The following ARL14EPL variants were observed in gnomAD, a reference collection of about 807,000 sequenced individuals.
ARL14EPL encodes ARL14 effector protein-like.
In ARL14EPL, 17 loss-of-function variants were observed where a neutral mutation model predicts 15.9. The ratio of observed to expected loss-of-function variants is 1.07; its 90% CI spans 0.73 to 1.60. The LOEUF (loss-of-function observed/expected upper bound fraction) is 1.60, where lower values mean the gene tolerates loss of function less well. Among genes scored for constraint, ARL14EPL ranks in the 40% most tolerant of loss-of-function variants. The pLI is 0.00. For missense variants in ARL14EPL, 214 were observed against 185.9 expected (o/e 1.15, Z -0.88); for synonymous variants, 78 against 63.8 (o/e 1.22, Z -1.06).
At chr5:116,037,115 G>A (rs186252606) in intron 1 of ARL14EPL, among the ~76,000 whole-genome samples, 106 of 152,266 alleles carry the variant, frequency 7.0e-4, no homozygotes, top group Non-Finnish European at 6.5e-4. Context: ...GACTATGTCA[G>A]GTACAAGGGG....
At chr5:116,042,457 T>C (rs1250780880) in intron 1 of ARL14EPL, among the ~76,000 whole-genome samples, 1 of 152,218 alleles carries the variant, frequency 6.6e-6, no homozygotes, top group Non-Finnish European at 1.5e-5. Flanking sequence ...CATCCACTTC[T>C]GGACCCCCAT....
intron 2 of ARL14EPL, 143 bp from the exon 3 acceptor site, chr5:116,053,871 A>T: frequency 1.6e-6 from 1 of 613,736 alleles, no homozygotes; most frequent in Non-Finnish European, 2.5e-6. Flanking sequence ...AAACTTAATT[A>T]GATTAAATCG....
At chr5:116,038,600 A>T (rs1749091786) in intron 1 of ARL14EPL, among the ~76,000 whole-genome samples, 2 of 152,054 alleles carry the variant, frequency 1.3e-5, no homozygotes, top group Admixed American at 1.3e-4. Flanking sequence ...CACAATGCAG[A>T]CAAGAATTTT....
chr5:116,051,760 A>G (rs1047722165), intron 2 of ARL14EPL, among the ~76,000 whole-genome samples, 199 bp downstream of exon 2: 1 of 151,740 alleles, frequency 6.6e-6, no homozygotes, highest in Non-Finnish European at 1.5e-5. Context: ...TCTCCTCTCC[A>G]CCTCCTGTGT....
chr5:116,042,425 C>G (rs550321218), intron 1 of ARL14EPL, among the ~76,000 whole-genome samples: 1 of 152,298 alleles, frequency 6.6e-6, no homozygotes, highest in African/African-American at 2.4e-5. Flanking sequence ...TGGCTCAGGT[C>G]TGTAGTATTC....
At position 116,055,156 on chromosome 5, in the gene ARL14EPL, T is replaced by C. The variant is rs186297797; in HGVS notation, c.236+1003T>C. Reference sequence around the variant, plus strand: ...GATCAGCACATACATAGAAGTGCCATACTCCCCAGGGAGTCAGAATTTAGT... The same window carrying C: ...GATCAGCACATACATAGAAGTGCCACACTCCCCAGGGAGTCAGAATTTAGT... On this transcript the variant is annotated intron_variant, in intron 3 of 3. Transcript: ENST00000686077. 3.8e-3 allele frequency among the ~76,000 whole-genome samples: 582 copies of C among 152,314 alleles called. 6 individuals carry two copies. Among genetic ancestry groups the C allele is most frequent in the African/African-American group, 0.013 (551 of 41,570 alleles).
intron 1 of ARL14EPL, among the ~76,000 whole-genome samples, chr5:116,044,465 TTATATA>T (rs35174440): frequency 3.4e-5 from 5 of 148,606 alleles, no homozygotes; most frequent in Admixed American, 1.4e-4. Flanking sequence ...AAGAAAAACA[TTATATA>T]TATATACGTG....
intron 3 of ARL14EPL, among the ~76,000 whole-genome samples, chr5:116,057,048 C>T (rs201920871): frequency 4.6e-5 from 7 of 152,172 alleles, no homozygotes; most frequent in African/African-American, 1.4e-4. Flanking sequence ...CAAACCAAAT[C>T]CAGCAGCATA....
chr5:116,056,306 C>T (rs1024199626), intron 3 of ARL14EPL, among the ~76,000 whole-genome samples: 7 of 152,098 alleles, frequency 4.6e-5, no homozygotes, highest in Admixed American at 4.6e-4. Context: ...CTCTCCAGCA[C>T]CTGTTGTTTC....
intron 1 of ARL14EPL, 102 bp from the exon 2 acceptor site, chr5:116,051,355 A>G: frequency 1.3e-6 from 1 of 750,476 alleles, no homozygotes; most frequent in Non-Finnish European, 2.1e-6. Context: ...TCTGGTTTTG[A>G]ATAAAGTGAG....
chr5:116,038,631 C>A (rs549476946), intron 1 of ARL14EPL, among the ~76,000 whole-genome samples: 1 of 139,432 alleles, frequency 7.2e-6, no homozygotes, highest in African/African-American at 2.7e-5. Flanking sequence ...ACTTCAGTAG[C>A]GAAGTGTGGA....
rs549191866 is a variant in ARL14EPL at position 116,039,155 on chromosome 5, G to A, written c.-10+6650G>A. 3.9e-5 allele frequency among the ~76,000 whole-genome samples: 6 copies of A among 152,190 alleles called. No individual in the cohort carries two copies. The South Asian group carries it at 6.2e-4, about 16-fold the overall frequency. ...CCCCAGGAGGGAGTGTAAGCCTGGG[G>A]CAGAAGGTCAGGTCCCGAACAGGGT... On this transcript the variant is annotated intron_variant, in intron 1 of 3. Transcript: ENST00000686077.
At chr5:116,034,858 T>G (rs1002855027) in intron 1 of ARL14EPL, among the ~76,000 whole-genome samples, 3 of 151,984 alleles carry the variant, frequency 2.0e-5, no homozygotes, top group South Asian at 2.1e-4. Flanking sequence ...ATTAGAGAAG[T>G]GAAAAAACAA....
At position 116,059,001 on chromosome 5, in the gene ARL14EPL, C is replaced by G; in HGVS notation, c.*54C>G. ...CTTCTTCTTACACATTTAAGTTGAC[C>G]TCTTTCTTTTGGGTGAATTTTAGGG... On this transcript the variant is annotated 3_prime_UTR_variant, in exon 4 of 4. Transcript: ENST00000686077. 6.7e-7 allele frequency: 1 copy of G among 1,489,766 alleles called. No homozygotes were observed. The highest frequency in any genetic ancestry group is 9.0e-7 in the Non-Finnish European group (1 of 1,107,234). The allele number at this position is 1,489,766 out of a possible 1,614,324, so 92.3% of individuals were successfully genotyped here.
chr5:116,054,873 TA>T lies in ARL14EPL; in HGVS notation c.236+722del, dbSNP rs201608707. ...ATAAATAAAATAAAAAATAATAAACTAAGAAAACTATAAAGGAAAATGATAA... is the reference window on the plus strand; with the variant it reads ...ATAAATAAAATAAAAAATAATAAACTAGAAAACTATAAAGGAAAATGATAA... On this transcript the variant is annotated intron_variant, in intron 3 of 3. Transcript: ENST00000686077. Among the ~76,000 whole-genome samples, 1,069 of 151,060 alleles carry T rather than the reference TA, an allele frequency of 7.1e-3. 43 individuals carry two copies. The highest frequency in any genetic ancestry group is 0.064 in the Admixed American group (971 of 15,182).
intron 1 of ARL14EPL, among the ~76,000 whole-genome samples, chr5:116,044,469 A>C (rs1223515840): frequency 1.4e-5 from 2 of 147,230 alleles, no homozygotes; most frequent in African/African-American, 5.0e-5. Context: ...AAAACATTAT[A>C]TATATATACG....
intron 1 of ARL14EPL, among the ~76,000 whole-genome samples, chr5:116,050,005 G>C (rs1051807887): frequency 2.0e-5 from 3 of 152,126 alleles, no homozygotes; most frequent in Admixed American, 6.6e-5. Flanking sequence ...TGTTTATTTT[G>C]TATACATATG....
chr5:116,057,246 T>C (rs1749539765), intron 3 of ARL14EPL, among the ~76,000 whole-genome samples: 1 of 152,030 alleles, frequency 6.6e-6, no homozygotes, highest in Non-Finnish European at 1.5e-5. Flanking sequence ...TACAGTTCCT[T>C]TTTGAGGGGA....
intron 1 of ARL14EPL, among the ~76,000 whole-genome samples, chr5:116,043,154 A>T (rs539990321): frequency 1.3e-3 from 191 of 152,140 alleles, no homozygotes; most frequent in African/African-American, 4.5e-3. Flanking sequence ...ACAGATAGCT[A>T]AAAACTGGTA....
Sources: gnomAD v4.1 joint callset for allele counts (sites outside exome capture counted in the v4.1 genomes callset) on GRCh38, gnomAD v4.1.1 for gene constraint, MANE v1.5 for transcripts, NCBI Gene and HGNC (gene_info 2026-07-23, HGNC 2026-07-21) for gene names.